SHOX: variants seen among roughly 807,000 people sequenced by gnomAD.
SHOX encodes SHOX homeobox.
In SHOX, 12 loss-of-function variants were observed where a neutral mutation model predicts 29.6. The ratio of observed to expected loss-of-function variants is 0.41; its 90% CI spans 0.26 to 0.66. The LOEUF (loss-of-function observed/expected upper bound fraction) is 0.66, where lower values mean the gene tolerates loss of function less well. Ranked by LOEUF, SHOX falls within the 30% of genes least tolerant of loss-of-function variation. The probability of loss-of-function intolerance (pLI) is 0.35; values close to 1 mark genes in which losing one functional copy is unlikely to be tolerated. For missense variants in SHOX, 499 were observed against 437.7 expected, an observed-to-expected ratio of 1.14 and a Z score of -1.25; for synonymous variants, 214 against 200.6, an observed-to-expected ratio of 1.07 and a Z score of -0.57.
At position 634,674 on chromosome X, in the gene SHOX, C is replaced by A. The variant is rs1425206026; in HGVS notation, c.334C>A (p.Gln112Lys). The change falls in exon 2 of 5, where the codon CAG (glutamine) becomes AAG (lysine). Residue 112 changes from glutamine (Q) to lysine (K), a missense_variant. Physicochemically the swap from Gln to Lys is moderately conservative, Grantham distance 53. Transcript: ENST00000686671. ...CGTGAAGTCGGAGGACGAGGACGGG[C>A]AGACCAAGCTGAAACAGAGGCGCAG... Reference protein sequence around the residue: ...EDVKSEDEDGQTKLKQRRSRT... With the variant: ...EDVKSEDEDGKTKLKQRRSRT... 1.2e-6 allele frequency: 2 copies of A among 1,613,920 alleles called. No individual in the cohort carries two copies. The highest frequency in any genetic ancestry group is 1.7e-6 in the Non-Finnish European group (2 of 1,179,872).
chrX:641,152 T>C, intron 4 of SHOX, 65 bp downstream of exon 4: 1 of 1,479,702 alleles, frequency 6.8e-7, no homozygotes, highest in Non-Finnish European at 9.4e-7. Flanking sequence ...CTTTCCCCTA[T>C]TTGCTGCCGC....
upstream of SHOX, among the ~76,000 whole-genome samples, chrX:627,874 G>C (rs1223931519): frequency 6.6e-6 from 1 of 152,158 alleles, no homozygotes; most frequent in Non-Finnish European, 1.5e-5. Context: ...AGGACGGAGG[G>C]TTTTCGGTAG....
intron 1 of SHOX, among the ~76,000 whole-genome samples, chrX:634,343 A>G (rs1173463041): frequency 6.6e-6 from 1 of 152,214 alleles, no homozygotes; most frequent in East Asian, 1.9e-4. Context: ...AAAAATAAGA[A>G]AAAAAGGTTA....
chrX:644,323 G>A, intron 4 of SHOX, 68 bp from the exon 5 acceptor site: 3 of 1,450,616 alleles, frequency 2.1e-6, no homozygotes, highest in African/African-American at 3.0e-5. Flanking sequence ...GGTTTCCGGG[G>A]GCGCGGGGCG....
At chrX:658,424 A>G (rs186160119) in intron 5 of SHOX, among the ~76,000 whole-genome samples, 3 of 152,002 alleles carry the variant, frequency 2.0e-5, no homozygotes, top group Admixed American at 1.3e-4. Flanking sequence ...TATTTTTTGT[A>G]GCAGTTGCAT....
At chrX:626,948 TTCTC>T (rs1257579482), upstream of SHOX, among the ~76,000 whole-genome samples, 5 of 148,932 alleles carry the variant, frequency 3.4e-5, no homozygotes, top group Admixed American at 2.7e-4. Context: ...CTCTCTCTTT[TTCTC>T]TCTCTGTCTG....
chrX:635,921 A>G (rs1349741856), intron 2 of SHOX, among the ~76,000 whole-genome samples: 3 of 151,992 alleles, frequency 2.0e-5, no homozygotes, highest in Non-Finnish European at 4.4e-5. Context: ...ACCCCGTCAA[A>G]AATAAATGAA....
At position 651,124 on chromosome X, in the gene SHOX, G is replaced by T. The variant is rs151301186; in HGVS notation, c.*6488G>T. The T allele has an allele frequency of 3.7e-3, 1,270 of 342,274 alleles. 17 individuals carry two copies. Among genetic ancestry groups the T allele is most frequent in the African/African-American group, 0.026 (1,197 of 46,280 alleles). The allele number at this position is 342,274 out of a possible 1,614,324, so 21.2% of individuals were successfully genotyped here. On this transcript the variant is annotated 3_prime_UTR_variant, in exon 5 of 5. Transcript: ENST00000686671. ...GTTATTTATTTTTTTTTCCTTGGTC[G>T]GACGTTCATAAATATGTACTATTTT...
chrX:630,960 C>G lies in SHOX; in HGVS notation c.63C>G (p.Gly21=), dbSNP rs142306835. 1.9e-6 allele frequency: 3 copies of G among 1,613,140 alleles called. No individual in the cohort carries two copies. Among genetic ancestry groups the G allele is most frequent in the African/African-American group, 1.3e-5 (1 of 74,896 alleles). ...SFDQKSKDGN[G]GGGGGGGKKD... is the part of the protein sequence containing the mutation. Reference sequence around the variant, plus strand: ...ACCAGAAAAGCAAGGACGGTAACGGCGGAGGCGGAGGCGGCGGAGGTAAGA... The same window carrying G: ...ACCAGAAAAGCAAGGACGGTAACGGGGGAGGCGGAGGCGGCGGAGGTAAGA... The change falls in exon 1 of 5, where the codon GGC becomes GGG. Residue 21 remains glycine (G), a synonymous_variant. Transcript: ENST00000686671.
chrX:638,669 G>A (rs1313017740), intron 2 of SHOX, among the ~76,000 whole-genome samples: 1 of 152,186 alleles, frequency 6.6e-6, no homozygotes, highest in Non-Finnish European at 1.5e-5. Context: ...GGGTTCAAGA[G>A]CAAGTTCACG....
At chrX:633,597 G>A (rs1168105504) in intron 1 of SHOX, among the ~76,000 whole-genome samples, 1 of 152,134 alleles carries the variant, frequency 6.6e-6, no homozygotes, top group East Asian at 1.9e-4. Flanking sequence ...AAGCTTCTTG[G>A]TTGCAGCGGC....
intron 1 of SHOX, among the ~76,000 whole-genome samples, chrX:625,619 GTCTCTGTCTGTATCTCTA>G (rs1191810578): frequency 7.3e-6 from 1 of 137,854 alleles, no homozygotes; most frequent in African/African-American, 2.8e-5. Flanking sequence ...CTTTTTCTCT[GTCTCTGTCTGTATCTCTA>G]TCTCTGTCTC....
rs1291482593 is a variant in SHOX at position 650,968 on chromosome X, G to C, written c.*6332G>C. On this transcript the variant is annotated 3_prime_UTR_variant, in exon 5 of 5. Coordinates refer to ENST00000686671, the MANE Select transcript of SHOX (RefSeq NM_000451.4). ...GGTTAAGGAATGTAGACAATATCCC[G>C]TTTCAAAGCTATGAAATGTGCTATT... 6.6e-6 allele frequency among the ~76,000 whole-genome samples: 1 copy of C among 152,004 alleles called. No homozygotes were observed. Among genetic ancestry groups the C allele is most frequent in the African/African-American group, 2.4e-5 (1 of 41,380 alleles).
downstream of SHOX, among the ~76,000 whole-genome samples, chrX:651,870 C>G (rs1395114472): frequency 2.0e-5 from 3 of 152,064 alleles, no homozygotes; most frequent in Non-Finnish European, 4.4e-5. Context: ...GGAAAAAGCC[C>G]TGATTTGAAT....
intron 5 of SHOX, among the ~76,000 whole-genome samples, chrX:658,300 A>G (rs1257590643): frequency 2.0e-5 from 3 of 151,752 alleles, no homozygotes; most frequent in South Asian, 2.1e-4. Flanking sequence ...AGCGGGTATT[A>G]AAGCAGCTTT....
At chrX:637,685 C>T (rs183234911) in intron 2 of SHOX, among the ~76,000 whole-genome samples, 4 of 152,186 alleles carry the variant, frequency 2.6e-5, no homozygotes, top group Admixed American at 2.6e-4. Flanking sequence ...TCAATTAGTT[C>T]CAACACCCAC....
intron 2 of SHOX, among the ~76,000 whole-genome samples, chrX:640,087 G>C (rs1233823854): frequency 1.4e-5 from 2 of 146,148 alleles, no homozygotes; most frequent in African/African-American, 5.0e-5. Flanking sequence ...GCTCACGCCT[G>C]TCATCCCAGC....
chrX:635,920 A>C (rs1026563212), intron 2 of SHOX, among the ~76,000 whole-genome samples: 2 of 151,876 alleles, frequency 1.3e-5, no homozygotes, highest in Admixed American at 1.3e-4. Flanking sequence ...GACCCCGTCA[A>C]AAATAAATGA....
intron 1 of SHOX, among the ~76,000 whole-genome samples, chrX:634,079 G>A: frequency 6.6e-6 from 1 of 152,336 alleles, no homozygotes; most frequent in Middle Eastern, 3.4e-3. Context: ...GTACTCAGAC[G>A]CGGTTCTGCT....
Sources: gnomAD v4.1 joint callset for allele counts (sites outside exome capture counted in the v4.1 genomes callset) on GRCh38, gnomAD v4.1.1 for gene constraint, MANE v1.5 for transcripts, NCBI Gene and HGNC (gene_info 2026-07-23, HGNC 2026-07-21) for gene names.